The following TUBB2B variants were observed in gnomAD, a reference collection of about 807,000 sequenced individuals.
TUBB2B encodes tubulin beta 2B class IIb.
TUBB2B carries 5 observed loss-of-function variants against 35.0 expected under a neutral mutation model. That is an observed-to-expected ratio of 0.14 (90% CI 0.07 to 0.30). The LOEUF is 0.30. TUBB2B is among the 10% of genes least tolerant of loss of function. TUBB2B has a pLI of 1.00. For synonymous variants in TUBB2B, 166 were observed against 250.5 expected (o/e 0.66, Z 3.18); for missense variants, 63 against 601.8 (o/e 0.10, Z 9.37).
Position 3,224,560 on chromosome 6 carries a change from T to C in TUBB2B, c.*191A>G. ...AGTAATTCAGAAATATCTCAAATGT[T>C]ACATTGATGTCATCAATATTACAAA... is the stretch of plus-strand genomic sequence containing the variant. On this transcript the variant is annotated 3_prime_UTR_variant, in exon 4 of 4. Coordinates refer to ENST00000259818, the MANE Select transcript of TUBB2B (RefSeq NM_178012.5). The C allele has an allele frequency of 1.3e-6, 1 of 777,726 alleles. No homozygotes were observed. Among genetic ancestry groups the C allele is most frequent in the African/African-American group, 1.8e-5 (1 of 54,780 alleles). The allele number at this position is 777,726 out of a possible 1,614,324, so 48.2% of individuals were successfully genotyped here.
At chr6:3,225,852 T>C in intron 3 of TUBB2B, 41 bp from the exon 4 acceptor site, 3 of 1,612,564 alleles carry the variant, frequency 1.9e-6, no homozygotes, top group Non-Finnish European at 2.5e-6. Flanking sequence ...CCGGTGATTG[T>C]ACTAAATACC....
chr6:3,225,441 C>T lies in TUBB2B; in HGVS notation c.648G>A (p.Lys216=), dbSNP rs1218395716. 2 of 1,613,730 alleles carry T rather than the reference C, an allele frequency of 1.2e-6. No homozygotes were observed. Among genetic ancestry groups the T allele is most frequent in the Admixed American group, 3.3e-5 (2 of 59,964 alleles). The change falls in exon 4 of 4, where the codon AAG becomes AAA. Residue 216 remains lysine, a synonymous_variant. Coordinates refer to ENST00000259818, the MANE Select transcript of TUBB2B (RefSeq NM_178012.5). ...ALYDICFRTL[K]LTTPTYGDLN... ...GGTCCCCGTAGGTGGGGGTGGTCAG[C>T]TTCAGGGTGCGGAAGCAGATGTCAT... is the stretch of plus-strand genomic sequence containing the variant.
Position 3,226,592 on chromosome 6 carries a change from C to T in TUBB2B, c.135G>A (p.Glu45=), listed in dbSNP as rs1757290440. ...CTTCATTGTAGTAAACATTGATTCT[C>T]TCCAGCTGCAAATCACTGTCTCCAT... The part of the protein sequence containing the change: ...SYHGDSDLQL[E]RINVYYNEAT... The change falls in exon 2 of 4, where the codon GAG becomes GAA. Residue 45 remains glutamate, a synonymous_variant. Transcript: ENST00000259818. This position sits in a 1 kb window ranked among gnomAD's most constrained non-coding sequence, Gnocchi z 5.5. 3 of 1,614,184 alleles carry T rather than the reference C, an allele frequency of 1.9e-6. No homozygotes were observed. Among genetic ancestry groups the T allele is most frequent in the Non-Finnish European group, 2.5e-6 (3 of 1,180,030 alleles).
chr6:3,224,618 G>T lies in TUBB2B; in HGVS notation c.*133C>A. The T allele has an allele frequency of 7.5e-7, 1 of 1,341,322 alleles. No homozygotes were observed. Among genetic ancestry groups the T allele is most frequent in the Non-Finnish European group, 1.0e-6 (1 of 987,922 alleles). The allele number at this position is 1,341,322 out of a possible 1,614,324, so 83.1% of individuals were successfully genotyped here. ...AAAAAAAGTGACAGGCAACAGTGAA[G>T]AGCACCAGAGACCCAGCGCACACCT... On this transcript the variant is annotated 3_prime_UTR_variant, in exon 4 of 4. Coordinates refer to ENST00000259818, the MANE Select transcript of TUBB2B (RefSeq NM_178012.5).
At position 3,227,338 on chromosome 6, in the gene TUBB2B, G is replaced by T; in HGVS notation, c.57+149C>A. On this transcript the variant is annotated intron_variant, in intron 1 of 3. Coordinates refer to ENST00000259818, the MANE Select transcript of TUBB2B (RefSeq NM_178012.5). This position sits in a 1 kb window ranked among gnomAD's most constrained non-coding sequence, Gnocchi z 7.8. ...CTCCGTCCGCGAAAGTCACCTCCTA[G>T]CCCAGGCCACACTCGGCGGCACAAA... is the stretch of plus-strand genomic sequence containing the variant. The T allele has an allele frequency of 1.9e-6, 2 of 1,058,436 alleles. No homozygotes were observed. The highest frequency in any genetic ancestry group is 2.7e-6 in the Non-Finnish European group (2 of 735,078). The allele number at this position is 1,058,436 out of a possible 1,614,324, so 65.6% of individuals were successfully genotyped here. A position where few individuals can be genotyped will look rare whatever the true frequency, so the allele number is the denominator to read the frequency against.
Position 3,226,312 on chromosome 6 carries a change from C to G in TUBB2B, c.167-43G>C. The G allele has an allele frequency of 6.4e-7, 1 of 1,561,144 alleles. No individual in the cohort carries two copies. Among genetic ancestry groups the G allele is most frequent in the Non-Finnish European group, 8.8e-7 (1 of 1,133,728 alleles). Reference sequence around the variant, plus strand: ...GACTTAGACCCTCAGGCAAGGACCTCTGCAGAGAAGGGCTTGGCGCCTGCT... The same window carrying G: ...GACTTAGACCCTCAGGCAAGGACCTGTGCAGAGAAGGGCTTGGCGCCTGCT... On this transcript the variant is annotated intron_variant, in intron 2 of 3. Coordinates refer to ENST00000259818, the MANE Select transcript of TUBB2B (RefSeq NM_178012.5). This position sits in a 1 kb window ranked among gnomAD's most constrained non-coding sequence, Gnocchi z 5.5.
At position 3,226,855 on chromosome 6, in the gene TUBB2B, G is replaced by A. The variant is rs886966947; in HGVS notation, c.58-186C>T. Among the ~76,000 whole-genome samples the A allele has an allele frequency of 6.6e-6, 1 of 152,114 alleles. No individual in the cohort carries two copies. Reference sequence around the variant, plus strand: ...CAGGTTCAGAAAGTTGAAACTGGGCGTTTCCCAGGCAAACAGCTGCCGCTC... The same window carrying A: ...CAGGTTCAGAAAGTTGAAACTGGGCATTTCCCAGGCAAACAGCTGCCGCTC... On this transcript the variant is annotated intron_variant, in intron 1 of 3. Transcript: ENST00000259818. The surrounding 1 kb of genome is among the most constrained non-coding windows in gnomAD (Gnocchi z 5.5).
chr6:3,226,539 G>T lies in TUBB2B; in HGVS notation c.166+22C>A, dbSNP rs202182484. 6.2e-7 allele frequency: 1 copy of T among 1,601,188 alleles called. No homozygotes were observed. ...GAAGGTGGAAAAACTGAAGGGAGTG[G>T]GGGTGGGGCAAGGGTGATTACCAGT... is the stretch of plus-strand genomic sequence containing the variant. On this transcript the variant is annotated intron_variant, in intron 2 of 3. Coordinates refer to ENST00000259818, the MANE Select transcript of TUBB2B (RefSeq NM_178012.5). This position sits in a 1 kb window ranked among gnomAD's most constrained non-coding sequence, Gnocchi z 5.5.
At position 3,224,681 on chromosome 6, in the gene TUBB2B, A is replaced by C; in HGVS notation, c.*70T>G. 1 of 1,597,414 alleles carries C rather than the reference A, an allele frequency of 6.3e-7. No homozygotes were observed. The highest frequency in any genetic ancestry group is 1.1e-5 in the South Asian group (1 of 89,026). ...GCTTCTTTCCTTCCACTGCCAGGTT[A>C]TCGTCCCGGGAAGCCCCCCACCCCC... On this transcript the variant is annotated 3_prime_UTR_variant, in exon 4 of 4. Coordinates refer to ENST00000259818, the MANE Select transcript of TUBB2B (RefSeq NM_178012.5).
In TUBB2B at chr6:3,224,592, A is replaced by G. The variant is rs1002866389; in HGVS notation, c.*159T>C. 20 of 975,016 alleles carry G rather than the reference A, an allele frequency of 2.1e-5. 1 individual carries two copies. Among genetic ancestry groups the G allele is most frequent in the African/African-American group, 1.4e-4 (3 of 21,970 alleles). 60.4% of individuals were successfully genotyped at this position (975,016 alleles called of 1,614,324 possible). On this transcript the variant is annotated 3_prime_UTR_variant, in exon 4 of 4. Coordinates refer to ENST00000259818, the MANE Select transcript of TUBB2B (RefSeq NM_178012.5). The stretch of plus-strand genomic sequence containing the variant: ...ATGTCATCAATATTACAAAAAAGGA[A>G]AAAAAAAGTGACAGGCAACAGTGAA...
In TUBB2B at chr6:3,227,401, T is replaced by C. The variant is rs901372792; in HGVS notation, c.57+86A>G. The C allele has an allele frequency of 1.4e-4, 213 of 1,559,324 alleles. No individual in the cohort carries two copies. The highest frequency in any genetic ancestry group is 1.8e-4 in the Non-Finnish European group (209 of 1,153,158). On this transcript the variant is annotated intron_variant, in intron 1 of 3. Coordinates refer to ENST00000259818, the MANE Select transcript of TUBB2B (RefSeq NM_178012.5). The surrounding 1 kb of genome is among the most constrained non-coding windows in gnomAD (Gnocchi z 7.8). ...GTCTGCATTTGGCGATCCCCAGGCC[T>C]TCCCAGGACCGCGCCTGGGGACCCC...
rs1250649134 is a variant in TUBB2B at position 3,225,477 on chromosome 6, G to A, written c.612C>T (p.Asn204=). The change falls in exon 4 of 4, where the codon AAC becomes AAT. Residue 204 remains asparagine (N), a synonymous_variant. Transcript: ENST00000259818. ...GGAAGCAGATGTCATACAGGGCCTCGTTGTCAATGCAGTAGGTTTCATCTG... is the reference window on the plus strand; with the variant it reads ...GGAAGCAGATGTCATACAGGGCCTCATTGTCAATGCAGTAGGTTTCATCTG... ...ENTDETYCID[N]EALYDICFRT... 2.5e-6 allele frequency: 4 copies of A among 1,614,160 alleles called. No individual in the cohort carries two copies. Among genetic ancestry groups the A allele is most frequent in the South Asian group, 1.1e-5 (1 of 91,076 alleles).
Position 3,224,991 on chromosome 6 carries a change from G to A in TUBB2B, c.1098C>T (p.Thr366=), listed in dbSNP as rs1313089814. ...GGATGGCCGTGCTGTTGCCGATGAA[G>A]GTGGCCGACATCTTCAGGCCGCGGG... is the stretch of plus-strand genomic sequence containing the variant. ...IPPRGLKMSA[T]FIGNSTAIQE... The change falls in exon 4 of 4, where the codon ACC becomes ACT. Residue 366 remains threonine, a synonymous_variant. Coordinates refer to ENST00000259818, the MANE Select transcript of TUBB2B (RefSeq NM_178012.5). 7.1e-7 allele frequency: 1 copy of A among 1,415,304 alleles called. No individual in the cohort carries two copies. Among genetic ancestry groups the A allele is most frequent in the East Asian group, 2.4e-5 (1 of 40,974 alleles). The allele number at this position is 1,415,304 out of a possible 1,614,324, so 87.7% of individuals were successfully genotyped here.
In TUBB2B at chr6:3,224,835, C is replaced by A; in HGVS notation, c.1254G>T (p.Leu418=). ...CCTGGTACTGCTGGTACTCGGACAC[C>A]AGGTCGTTCATGTTGCTCTCGGCCT... ...FTEAESNMND[L]VSEYQQYQDA... Residue 418 remains leucine, a synonymous_variant, in exon 4 of 4, where the codon CTG becomes CTT. Transcript: ENST00000259818. 1 of 1,610,996 alleles carries A rather than the reference C, an allele frequency of 6.2e-7. No individual in the cohort carries two copies. Among genetic ancestry groups the A allele is most frequent in the Non-Finnish European group, 8.5e-7 (1 of 1,178,888 alleles).
In TUBB2B at chr6:3,226,334, T is replaced by TG; in HGVS notation, c.167-66dup. The stretch of plus-strand genomic sequence containing the variant: ...CCTCTGCAGAGAAGGGCTTGGCGCC[T>TG]GCTGCCATCATGCAGATGTTGCCCC... On this transcript the variant is annotated intron_variant, in intron 2 of 3. Coordinates refer to ENST00000259818, the MANE Select transcript of TUBB2B (RefSeq NM_178012.5). This position sits in a 1 kb window ranked among gnomAD's most constrained non-coding sequence, Gnocchi z 5.5. 4 of 1,420,032 alleles carry TG rather than the reference T, an allele frequency of 2.8e-6. No homozygotes were observed. The allele number at this position is 1,420,032 out of a possible 1,614,324, so 88.0% of individuals were successfully genotyped here.
chr6:3,226,434 G>T lies in TUBB2B; in HGVS notation c.166+127C>A. The T allele has an allele frequency of 9.5e-7, 1 of 1,056,504 alleles. No homozygotes were observed. The allele number at this position is 1,056,504 out of a possible 1,614,324, so 65.4% of individuals were successfully genotyped here. A position where few individuals can be genotyped will look rare whatever the true frequency, so the allele number is the denominator to read the frequency against. The stretch of plus-strand genomic sequence containing the variant: ...AGGAAGCCCAATGAAATACTGCAGG[G>T]AAAGAGCGGGGATCCTAAACTGAAT... On this transcript the variant is annotated intron_variant, in intron 2 of 3. Transcript: ENST00000259818. This position sits in a 1 kb window ranked among gnomAD's most constrained non-coding sequence, Gnocchi z 5.5.
At position 3,227,598 on chromosome 6, in the gene TUBB2B, C is replaced by T. The variant is rs979960346; in HGVS notation, c.-55G>A. The T allele has an allele frequency of 5.0e-6, 8 of 1,602,676 alleles. No homozygotes were observed. Among genetic ancestry groups the T allele is most frequent in the Admixed American group, 1.7e-5 (1 of 59,190 alleles). On this transcript the variant is annotated 5_prime_UTR_variant, in exon 1 of 4. Transcript: ENST00000259818. This position sits in a 1 kb window ranked among gnomAD's most constrained non-coding sequence, Gnocchi z 7.8. Reference sequence around the variant, plus strand: ...CGGCGTCTGGGTCTGTCCGTCCTCCCCTCACACACCCACTGCGGGGTCACC... The same window carrying T: ...CGGCGTCTGGGTCTGTCCGTCCTCCTCTCACACACCCACTGCGGGGTCACC...
Position 3,226,229 on chromosome 6 carries a change from C to T in TUBB2B, c.207G>A (p.Glu69=), listed in dbSNP as rs1297739549. 6 of 1,614,158 alleles carry T rather than the reference C, an allele frequency of 3.7e-6. No individual in the cohort carries two copies. Among genetic ancestry groups the T allele is most frequent in the Non-Finnish European group, 5.1e-6 (6 of 1,180,040 alleles). ...YVPRAILVDL[E]PGTMDSVRSG... ...ACCTAACCGAATCCATCGTGCCTGG[C>T]TCCAGATCCACGAGGATGGCCCGAG... The change falls in exon 3 of 4, where the codon GAG becomes GAA. Residue 69 remains glutamate, a synonymous_variant. Coordinates refer to ENST00000259818, the MANE Select transcript of TUBB2B (RefSeq NM_178012.5). The surrounding 1 kb of genome is among the most constrained non-coding windows in gnomAD (Gnocchi z 5.5).
In TUBB2B at chr6:3,226,052, C is replaced by T. The variant is rs1348532589; in HGVS notation, c.277+107G>A. On this transcript the variant is annotated intron_variant, in intron 3 of 3. Coordinates refer to ENST00000259818, the MANE Select transcript of TUBB2B (RefSeq NM_178012.5). The surrounding 1 kb of genome is among the most constrained non-coding windows in gnomAD (Gnocchi z 5.5). ...ACACTATATTAAAGCTAAGTTGGCACACCGCGGATGTTCTTCATGCTTTCC... is the reference window on the plus strand; with the variant it reads ...ACACTATATTAAAGCTAAGTTGGCATACCGCGGATGTTCTTCATGCTTTCC... 5 of 1,366,556 alleles carry T rather than the reference C, an allele frequency of 3.7e-6. No individual in the cohort carries two copies. In the Admixed American group the frequency reaches 8.7e-5, roughly 24 times the overall value. 84.7% of individuals were successfully genotyped at this position (1,366,556 alleles called of 1,614,324 possible). A position where few individuals can be genotyped will look rare whatever the true frequency, so the allele number is the denominator to read the frequency against.
Sources: allele counts gnomAD v4.1 joint callset (sites outside exome capture counted in the v4.1 genomes callset), GRCh38; gene constraint gnomAD v4.1.1; non-coding constraint Gnocchi (gnomAD v3.1); transcripts MANE v1.5; gene names NCBI Gene and HGNC (gene_info 2026-07-23, HGNC 2026-07-21).